The following FRRS1 variants were observed in gnomAD, a reference collection of about 807,000 sequenced individuals.
FRRS1 encodes the protein ferric chelate reductase 1.
FRRS1 carries 51 observed loss-of-function variants against 70.7 expected under a neutral mutation model. The ratio of observed to expected loss-of-function variants is 0.72; its 90% CI spans 0.58 to 0.91. FRRS1 has a LOEUF of 0.91. Among genes scored for constraint, FRRS1 ranks in the 40% least tolerant of loss-of-function variants. FRRS1 has a pLI of 0.00. For missense variants in FRRS1, 672 were observed against 726.0 expected (o/e 0.93, Z 0.86); for synonymous variants, 225 against 238.7 (o/e 0.94, Z 0.53).
At chr1:99,748,315 C>G (rs181114817) in intron 3 of FRRS1, 1 of 290,310 alleles carries the variant, frequency 3.4e-6, no homozygotes, top group Admixed American at 5.1e-5. Context: ...CTTCATTTTT[C>G]TCTTCTCTTG....
intron 1 of FRRS1, among the ~76,000 whole-genome samples, chr1:99,752,331 AG>A (rs1244726757): frequency 2.0e-4 from 31 of 152,298 alleles, no homozygotes; most frequent in African/African-American, 7.2e-4. Flanking sequence ...TTTTATTGAA[AG>A]TGAAAGATAT....
rs565943384 is a variant in FRRS1 at position 99,719,579 on chromosome 1, T to C, written c.1075A>G (p.Lys359Glu). 17 of 1,611,450 alleles carry C rather than the reference T, an allele frequency of 1.1e-5. 1 individual carries two copies. In the South Asian group the frequency reaches 1.8e-4, roughly 17 times the overall value. ...ACAGAATGGGATCCTCCTATGTTCT[T>C]TGGAGAGTCTGTCACATCATATTTT... is the stretch of plus-strand genomic sequence containing the variant. ...YEKYDVTDSP[K>E]NIGGSHSVLL... The change falls in exon 10 of 17, where the codon AAG becomes GAG. Residue 359 changes from lysine (K) to glutamate (E), a missense_variant. By Grantham distance (56) the Lys-to-Glu change is moderately conservative. Transcript: ENST00000646001.
intron 7 of FRRS1, among the ~76,000 whole-genome samples, chr1:99,730,839 C>A (rs1178758637): frequency 6.7e-6 from 1 of 148,950 alleles, no homozygotes; most frequent in African/African-American, 2.5e-5. Context: ...TGCACTCCAG[C>A]CTGGGCAACA....
chr1:99,733,574 T>G (rs768864695), intron 7 of FRRS1, among the ~76,000 whole-genome samples: 1 of 152,206 alleles, frequency 6.6e-6, no homozygotes, highest in African/African-American at 2.4e-5. Context: ...ATTGGCCGAA[T>G]TGGCGTCAGT....
chr1:99,722,426 A>G (rs1008343304), intron 9 of FRRS1, among the ~76,000 whole-genome samples: 6 of 152,178 alleles, frequency 3.9e-5, no homozygotes, highest in Admixed American at 3.3e-4. Context: ...ATTCGCACAC[A>G]TTCACAACGT....
Position 99,730,262 on chromosome 1 carries a change from C to T in FRRS1, c.760-514G>A, listed in dbSNP as rs975016589. Among the ~76,000 whole-genome samples the T allele has an allele frequency of 2.0e-5, 3 of 152,064 alleles. No individual in the cohort carries two copies. In the East Asian group the frequency reaches 5.8e-4, roughly 29 times the overall value. On this transcript the variant is annotated intron_variant, in intron 7 of 16. Transcript: ENST00000646001. ...TTGGTAACTTCTAAGATGGAAGACA[C>T]TGTAAAGAAATATTGCTACATAGTG...
At chr1:99,716,443 T>TGA (rs1266832045) in intron 11 of FRRS1, among the ~76,000 whole-genome samples, 6 of 151,728 alleles carry the variant, frequency 4.0e-5, no homozygotes, top group Admixed American at 1.3e-4. Flanking sequence ...CATGAGCAGA[T>TGA]GAGAGAGAGA....
At chr1:99,730,023 C>G (rs1655268737) in intron 7 of FRRS1, among the ~76,000 whole-genome samples, 1 of 152,172 alleles carries the variant, frequency 6.6e-6, no homozygotes, top group Non-Finnish European at 1.5e-5. Flanking sequence ...AAACCCATCA[C>G]TAATCGAACA....
At chr1:99,723,991 G>C (rs1557689110) in intron 9 of FRRS1, among the ~76,000 whole-genome samples, 1 of 152,134 alleles carries the variant, frequency 6.6e-6, no homozygotes, top group Admixed American at 6.5e-5. Flanking sequence ...TATCAAACAT[G>C]ACAAGAAAGG....
At chr1:99,741,055 TA>T in intron 5 of FRRS1, 115 bp from the exon 6 acceptor site, 1 of 936,348 alleles carries the variant, frequency 1.1e-6, no homozygotes, top group African/African-American at 1.6e-5. Context: ...ACTTACTACC[TA>T]ACAGGACTAT....
chr1:99,750,284 T>A (rs887842373), intron 1 of FRRS1, among the ~76,000 whole-genome samples: 5 of 152,160 alleles, frequency 3.3e-5, no homozygotes, highest in Non-Finnish European at 1.5e-5. Context: ...TACCACCACA[T>A]TATTAAAGGC....
intron 7 of FRRS1, among the ~76,000 whole-genome samples, chr1:99,730,812 A>AGCC (rs1284858515): frequency 6.7e-6 from 1 of 149,224 alleles, no homozygotes; most frequent in Non-Finnish European, 1.5e-5. Context: ...GCTGGCAGTG[A>AGCC]GCCGAGATCG....
At chr1:99,735,907 T>A (rs767035185) in intron 7 of FRRS1, among the ~76,000 whole-genome samples, 1 of 152,204 alleles carries the variant, frequency 6.6e-6, no homozygotes, top group Non-Finnish European at 1.5e-5. Context: ...TACTATAGCA[T>A]GAATCTTGGC....
At chr1:99,749,619 A>G (rs971480509) in intron 1 of FRRS1, among the ~76,000 whole-genome samples, 11 of 152,202 alleles carry the variant, frequency 7.2e-5, no homozygotes, top group African/African-American at 2.4e-4. Context: ...GATAACAGAG[A>G]ACCAATTGGT....
chr1:99,739,630 A>G (rs1655853885), intron 6 of FRRS1, among the ~76,000 whole-genome samples: 1 of 152,248 alleles, frequency 6.6e-6, no homozygotes, highest in African/African-American at 2.4e-5. Context: ...GATAATAAAA[A>G]GAAGGAAAAA....
intron 1 of FRRS1, among the ~76,000 whole-genome samples, chr1:99,749,864 G>A (rs1048715270): frequency 6.6e-6 from 1 of 152,318 alleles, no homozygotes. Flanking sequence ...TGGAGGTGAT[G>A]AGCAGTGACA....
chr1:99,735,549 C>G (rs926588960), intron 7 of FRRS1, among the ~76,000 whole-genome samples: 5 of 152,136 alleles, frequency 3.3e-5, no homozygotes, highest in Admixed American at 6.6e-5. Context: ...GAAATAACCA[C>G]TTAAAAATAT....
At position 99,709,348 on chromosome 1, in the gene FRRS1, C is replaced by G. The variant is rs766663198; in HGVS notation, c.1625-89G>C. ...AAAAACCTGATTTGTACTGTTCACC[C>G]CAATTTCCAGGGTAGAAATTCTCCC... On this transcript the variant is annotated intron_variant, in intron 15 of 16. Transcript: ENST00000646001. The G allele has an allele frequency of 9.4e-6, 8 of 854,842 alleles. No individual in the cohort carries two copies. In the African/African-American group the frequency reaches 1.4e-4, roughly 15 times the overall value. The allele number at this position is 854,842 out of a possible 1,614,324, so 53.0% of individuals were successfully genotyped here. A position where few individuals can be genotyped will look rare whatever the true frequency, so the allele number is the denominator to read the frequency against.
At chr1:99,719,407 C>CA (rs71854810) in intron 10 of FRRS1, 127 bp downstream of exon 10, 96,261 of 386,244 alleles carry the variant, frequency 0.25, 7,595 homozygotes, top group African/African-American at 0.49. Flanking sequence ...GACTCCATCT[C>CA]AAAAAAAAAA....
Sources: allele counts gnomAD v4.1 joint callset (sites outside exome capture counted in the v4.1 genomes callset), GRCh38; gene constraint gnomAD v4.1.1; transcripts MANE v1.5; gene names NCBI Gene and HGNC (gene_info 2026-07-23, HGNC 2026-07-21).